The following CYP24A1 variants were observed in gnomAD, a reference collection of about 807,000 sequenced individuals.
The protein encoded by CYP24A1 is 1,25-dihydroxyvitamin D(3) 24-hydroxylase, mitochondrial.
Under a neutral mutation model 62.4 loss-of-function variants are expected in CYP24A1, and 68 were observed. The ratio of observed to expected loss-of-function variants is 1.09; its 90% CI spans 0.90 to 1.33. CYP24A1 has a LOEUF of 1.33. Ranked by LOEUF, CYP24A1 falls within the 40% of genes most tolerant of loss-of-function variation. The probability of loss-of-function intolerance (pLI) is 0.00; values close to 1 mark genes in which losing one functional copy is unlikely to be tolerated. For missense variants in CYP24A1, 787 were observed against 653.0 expected, an observed-to-expected ratio of 1.21 and a Z score of -2.24; for synonymous variants, 267 against 253.0, an observed-to-expected ratio of 1.06 and a Z score of -0.52.
At chr20:54,165,059 G>T (rs185901233) in intron 5 of CYP24A1, among the ~76,000 whole-genome samples, 15 of 152,304 alleles carry the variant, frequency 9.8e-5, no homozygotes, top group Admixed American at 8.5e-4. Flanking sequence ...CCTAAACAAA[G>T]AAATAATGGA....
rs2092630805 is a variant in CYP24A1 at position 54,157,097 on chromosome 20, A to T, written c.*10+72T>A. 22 of 795,662 alleles carry T rather than the reference A, an allele frequency of 2.8e-5. No homozygotes were observed. The South Asian group carries it at 3.2e-4, about 11-fold the overall frequency. 49.3% of individuals were successfully genotyped at this position (795,662 alleles called of 1,614,324 possible). On this transcript the variant is annotated intron_variant, in intron 11 of 11. Transcript: ENST00000216862. ...TGGGATTCAAACCCCAGTCTGGCTG[A>T]CTTCCCAGCATAGCTCATCCCTCGT... is the stretch of plus-strand genomic sequence containing the variant.
downstream of CYP24A1, among the ~76,000 whole-genome samples, chr20:54,151,061 T>C (rs768675062): frequency 2.0e-4 from 30 of 151,700 alleles, no homozygotes; most frequent in Admixed American, 1.6e-3. Context: ...ATTAGGAAAG[T>C]AAAGGAATAA....
intron 4 of CYP24A1, among the ~76,000 whole-genome samples, chr20:54,168,628 A>C (rs962221921): frequency 3.3e-5 from 5 of 152,136 alleles, no homozygotes; most frequent in African/African-American, 1.2e-4. Context: ...ATGTCTTCTT[A>C]CTAAAAAAGA....
At position 54,173,442 on chromosome 20, in the gene CYP24A1, C is replaced by T. The variant is rs1156441451; in HGVS notation, c.138G>A (p.Leu46=). 6.4e-7 allele frequency: 1 copy of T among 1,569,218 alleles called. No individual in the cohort carries two copies. The highest frequency in any genetic ancestry group is 2.4e-5 in the East Asian group (1 of 42,202). ...CGTTCTGAGTCTCGCCACCAGCTGT[C>T]AGCGGGCAGACTGGCACCTCTCGCG... ...PQPREVPVCP[L]TAGGETQNAA... The change falls in exon 1 of 12, where the codon CTG becomes CTA. Residue 46 remains leucine, a synonymous_variant. Transcript: ENST00000216862. This position sits in a 1 kb window ranked among gnomAD's most constrained non-coding sequence, Gnocchi z 7.2.
Position 54,173,542 on chromosome 20 carries a change from G to GCGGCAAGCGAGC in CYP24A1, c.26_37dup (p.Ala12_Ala13insGlySerLeuAla). ...CGGACTGCGCAGCTGCTGCAGGAAG[G>GCGGCAAGCGAGC]CGGCAAGCGAGCGGCTCTTGCTGAT... On this transcript the variant is annotated inframe_insertion, in exon 1 of 12. Coordinates refer to ENST00000216862, the MANE Select transcript of CYP24A1 (RefSeq NM_000782.5). This position sits in a 1 kb window ranked among gnomAD's most constrained non-coding sequence, Gnocchi z 7.2. 4.4e-6 allele frequency: 7 copies of GCGGCAAGCGAGC among 1,581,404 alleles called. No homozygotes were observed. Among genetic ancestry groups the GCGGCAAGCGAGC allele is most frequent in the Non-Finnish European group, 6.0e-6 (7 of 1,166,740 alleles).
At chr20:54,157,666 T>C (rs2092634419) in intron 9 of CYP24A1, 81 bp from the exon 10 acceptor site, 1 of 888,090 alleles carries the variant, frequency 1.1e-6, no homozygotes, top group Non-Finnish European at 1.9e-6. Context: ...AGTTGTCACC[T>C]TACAAATCAA....
chr20:54,169,462 T>C, intron 4 of CYP24A1, 130 bp downstream of exon 4: 1 of 1,543,486 alleles, frequency 6.5e-7, no homozygotes, highest in Non-Finnish European at 8.7e-7. Context: ...AAAAGAAGCA[T>C]TAAAAGGGCT....
intron 4 of CYP24A1, among the ~76,000 whole-genome samples, chr20:54,168,860 TTCCTTCCTTCCTTCCTTCCTTCC>T (rs2092683423): frequency 2.6e-5 from 1 of 38,974 alleles, no homozygotes; most frequent in Admixed American, 2.5e-4. Context: ...CCTTCCTTCC[TTCCTTCCTTCCTTCCTTCCTTCC>T]TTCCTTCCTT....
At chr20:54,169,509 T>G in intron 4 of CYP24A1, 83 bp downstream of exon 4, 1 of 1,605,120 alleles carries the variant, frequency 6.2e-7, no homozygotes, top group Non-Finnish European at 8.5e-7. Context: ...AATGCCTGTT[T>G]ACAAAAGAGT....
rs778616924 is a variant in CYP24A1 at position 54,158,950 on chromosome 20, C to T, written c.1157+7G>A. On this transcript the variant is annotated splice_region_variant and intron_variant, in intron 8 of 11. Transcript: ENST00000216862. ...ACATTTATATTGGCTCAGAGATAGG[C>T]TCTTACCTCATAGATTCTTTCAGAC... 10 of 1,614,176 alleles carry T rather than the reference C, an allele frequency of 6.2e-6. 2 individuals carry two copies. The South Asian group carries it at 1.1e-4, about 18-fold the overall frequency.
chr20:54,172,451 T>C (rs1601149322), intron 2 of CYP24A1, among the ~76,000 whole-genome samples: 1 of 152,224 alleles, frequency 6.6e-6, no homozygotes, highest in Admixed American at 6.5e-5. Context: ...ATAAGGCATG[T>C]CCCCCAATCC....
At chr20:54,165,721 T>C (rs371538155) in intron 5 of CYP24A1, 21 bp downstream of exon 5, 2 of 1,195,954 alleles carry the variant, frequency 1.7e-6, no homozygotes, top group African/African-American at 3.0e-5. Context: ...AGAAAACTGC[T>C]TTCTTAAAGA....
At chr20:54,159,201 GC>G in intron 7 of CYP24A1, 78 bp from the exon 8 acceptor site, 1 of 1,103,114 alleles carries the variant, frequency 9.1e-7, no homozygotes, top group Non-Finnish European at 1.4e-6. Context: ...AAAAGGTGAT[GC>G]CCACCACCTT....
At chr20:54,168,359 G>T (rs973483582) in intron 4 of CYP24A1, among the ~76,000 whole-genome samples, 3 of 152,064 alleles carry the variant, frequency 2.0e-5, no homozygotes, top group Non-Finnish European at 4.4e-5. Context: ...AGTCAGATGA[G>T]AGGTAAAGTC....
At chr20:54,146,615 T>C in the CYP24A1 span, among the ~76,000 whole-genome samples, 4 of 152,270 alleles carry the variant, frequency 2.6e-5, no homozygotes. Context: ...ATATTTATTT[T>C]GTCTTCCTGA....
chr20:54,156,338 C>T (rs1005505282), intron 11 of CYP24A1, among the ~76,000 whole-genome samples: 1 of 152,120 alleles, frequency 6.6e-6, no homozygotes, highest in Non-Finnish European at 1.5e-5. Context: ...TCTTGTCAGA[C>T]AGAAGCAATG....
At chr20:54,169,801 T>G in intron 3 of CYP24A1, 113 bp from the exon 4 acceptor site, 1 of 1,542,922 alleles carries the variant, frequency 6.5e-7, no homozygotes, top group Non-Finnish European at 8.7e-7. Flanking sequence ...TCACTGGCCA[T>G]AATGTTATTC....
intron 11 of CYP24A1, among the ~76,000 whole-genome samples, chr20:54,156,549 C>G (rs1414515795): frequency 1.3e-5 from 2 of 152,186 alleles, no homozygotes; most frequent in Non-Finnish European, 2.9e-5. Flanking sequence ...ACCAAACTAG[C>G]AAGAGAATAG....
At chr20:54,148,094 C>T in the CYP24A1 span, among the ~76,000 whole-genome samples, 1 of 152,272 alleles carries the variant, frequency 6.6e-6, no homozygotes, top group African/African-American at 2.4e-5. Context: ...CTTTGGCCTC[C>T]CAAATTGCTG....
Sources: gnomAD v4.1 joint callset for allele counts (sites outside exome capture counted in the v4.1 genomes callset) on GRCh38, gnomAD v4.1.1 for gene constraint, Gnocchi (gnomAD v3.1) non-coding constraint, MANE v1.5 for transcripts, NCBI Gene and HGNC (gene_info 2026-07-23, HGNC 2026-07-21) for gene names.